The following LRRC37A variants were observed in gnomAD, a reference collection of about 807,000 sequenced individuals.
The protein encoded by LRRC37A is leucine rich repeat containing 37A, also known as leucine-rich repeat-containing protein 37A.
LRRC37A carries 3 observed loss-of-function variants against 35.4 expected under a neutral mutation model. The observed-to-expected ratio is 0.08, with a 90% CI of 0.04 to 0.22. LRRC37A has a LOEUF of 0.22. Ranked by LOEUF, LRRC37A falls within the 10% of genes least tolerant of loss-of-function variation. LRRC37A has a pLI of 1.00. For missense variants in LRRC37A, 67 were observed against 565.3 expected (o/e 0.12, Z 8.94); for synonymous variants, 23 against 215.0 (o/e 0.11, Z 7.81).
At chr17:46,275,241 G>C in the LRRC37A span, 1 of 406,360 alleles carries the variant, frequency 2.5e-6, no homozygotes, top group Non-Finnish European at 4.1e-6. Flanking sequence ...TAATATAATT[G>C]GACTGTTATG....
Position 46,323,374 on chromosome 17 carries a change from GT to G in LRRC37A, c.3053+350del, listed in dbSNP as rs1486914054. Among the ~76,000 whole-genome samples the G allele has an allele frequency of 2.1e-5, 2 of 96,464 alleles. 1 individual carries two copies. Among genetic ancestry groups the G allele is most frequent in the Non-Finnish European group, 4.8e-5 (2 of 41,574 alleles). 63.3% of individuals were successfully genotyped at this position (96,464 alleles called of 152,430 possible). On this transcript the variant is annotated intron_variant, in intron 7 of 13. Transcript: ENST00000320254. Reference sequence around the variant, plus strand: ...AATCATATAGCACATAGCCTCTTGTGTTTGGCTCCTTTCACAAAGCCTAATT... The same window carrying G: ...AATCATATAGCACATAGCCTCTTGTGTTGGCTCCTTTCACAAAGCCTAATT...
At chr17:46,272,195 T>C in the LRRC37A span, among the ~76,000 whole-genome samples, 1,034 of 152,356 alleles carry the variant, frequency 6.8e-3, 24 homozygotes, top group African/African-American at 0.024. Context: ...AAAATACTTT[T>C]AGCCAAGGAA....
the LRRC37A span, among the ~76,000 whole-genome samples, chr17:46,269,150 G>A: frequency 7.9e-5 from 12 of 152,252 alleles, no homozygotes; most frequent in South Asian, 1.9e-3. Context: ...ATAACAGTAA[G>A]CGCACTAGTC....
At chr17:46,259,614 G>A in the LRRC37A span, 1 of 1,611,266 alleles carries the variant, frequency 6.2e-7, no homozygotes, top group East Asian at 2.2e-5. Context: ...CAGACTCACT[G>A]AGTGCCTGCA....
the LRRC37A span, among the ~76,000 whole-genome samples, chr17:46,263,114 A>G: frequency 6.6e-6 from 1 of 151,914 alleles, no homozygotes; most frequent in Non-Finnish European, 1.5e-5. Context: ...TCTGGAGGCG[A>G]AGGAGGGAGG....
In LRRC37A at chr17:46,324,509, CTTT is replaced by C. The variant is rs990642430; in HGVS notation, c.3053+1486_3053+1488del. The stretch of plus-strand genomic sequence containing the variant: ...GAGTCAATTTGCATATGTGATGTAT[CTTT>C]TTTATTTTTTATTTTTTTGTAGAAA... On this transcript the variant is annotated intron_variant, in intron 7 of 13. Coordinates refer to ENST00000320254, the Ensembl canonical transcript of LRRC37A. 2.7e-5 allele frequency among the ~76,000 whole-genome samples: 2 copies of C among 75,208 alleles called. 1 individual carries two copies. The highest frequency in any genetic ancestry group is 7.9e-5 in the Non-Finnish European group (2 of 25,300). The allele number at this position is 75,208 out of a possible 152,430, so 49.3% of individuals were successfully genotyped here. A position where few individuals can be genotyped will look rare whatever the true frequency, so the allele number is the denominator to read the frequency against.
the LRRC37A span, among the ~76,000 whole-genome samples, chr17:46,281,445 G>A: frequency 0.066 from 8,834 of 134,428 alleles, no homozygotes; most frequent in Non-Finnish European, 0.11. Flanking sequence ...GCTGGAGAGC[G>A]GTGGTGTAAT....
the LRRC37A span, among the ~76,000 whole-genome samples, chr17:46,251,076 G>A: frequency 2.0e-5 from 3 of 152,132 alleles, no homozygotes; most frequent in African/African-American, 7.2e-5. Flanking sequence ...TCCTGCCTGG[G>A]TGACAGAGCA....
the LRRC37A span, among the ~76,000 whole-genome samples, chr17:46,280,569 CTTTTTTT>C: frequency 8.9e-6 from 1 of 112,012 alleles, no homozygotes; most frequent in Non-Finnish European, 1.7e-5. Context: ...TGATAGCACA[CTTTTTTT>C]TTTTTTTTTT....
At chr17:46,253,821 A>G in the LRRC37A span, among the ~76,000 whole-genome samples, 1 of 151,984 alleles carries the variant, frequency 6.6e-6, no homozygotes, top group African/African-American at 2.4e-5. Context: ...TTATAAACCC[A>G]ATTTCCTCTT....
chr17:46,251,193 C>A, the LRRC37A span, among the ~76,000 whole-genome samples: 1 of 152,094 alleles, frequency 6.6e-6, no homozygotes, highest in East Asian at 1.9e-4. Flanking sequence ...CTCAACTGGG[C>A]CAATTTTGCT....
At chr17:46,280,975 T>G in the LRRC37A span, among the ~76,000 whole-genome samples, 2 of 152,222 alleles carry the variant, frequency 1.3e-5, no homozygotes, top group Non-Finnish European at 2.9e-5. Context: ...ACTGTTTGGC[T>G]GCACATAGAC....
the LRRC37A span, among the ~76,000 whole-genome samples, chr17:46,250,558 C>T: frequency 2.6e-5 from 4 of 152,286 alleles, no homozygotes. Context: ...CCAACATCTT[C>T]CTCCCGTGCT....
the LRRC37A span, among the ~76,000 whole-genome samples, chr17:46,281,555 G>C: frequency 6.6e-6 from 1 of 152,130 alleles, no homozygotes; most frequent in African/African-American, 2.4e-5. Context: ...ATAGCCTCCT[G>C]AGTAGCTAGG....
chr17:46,278,266 C>A, the LRRC37A span, among the ~76,000 whole-genome samples: 1 of 152,152 alleles, frequency 6.6e-6, no homozygotes, highest in African/African-American at 2.4e-5. Context: ...TCTTATACTG[C>A]TCTTTCTTGT....
chr17:46,279,399 G>T, the LRRC37A span, among the ~76,000 whole-genome samples: 1 of 151,466 alleles, frequency 6.6e-6, no homozygotes, highest in Non-Finnish European at 1.5e-5. Flanking sequence ...GTCCAGGCTG[G>T]TCTTGAACTC....
intron 7 of LRRC37A, among the ~76,000 whole-genome samples, chr17:46,323,709 A>G (rs1184847225): frequency 9.6e-6 from 1 of 103,980 alleles, no homozygotes; most frequent in Non-Finnish European, 2.3e-5. Flanking sequence ...ACTCAGTAGA[A>G]TTTTTTTTGA....
chr17:46,290,869 G>A (rs2050048042), upstream of LRRC37A, among the ~76,000 whole-genome samples: 1 of 152,242 alleles, frequency 6.6e-6, no homozygotes, highest in Non-Finnish European at 1.5e-5. Flanking sequence ...TCAAGGATTT[G>A]CCTAAAGGTA....
chr17:46,269,532 CAA>C, the LRRC37A span, among the ~76,000 whole-genome samples: 72 of 152,298 alleles, frequency 4.7e-4, no homozygotes, highest in African/African-American at 1.6e-3. Context: ...CAAAAACAAA[CAA>C]AGTGTACAAA....
Sources: allele counts gnomAD v4.1 joint callset (sites outside exome capture counted in the v4.1 genomes callset), GRCh38; gene constraint gnomAD v4.1.1; transcripts MANE v1.5; gene names NCBI Gene and HGNC (gene_info 2026-07-23, HGNC 2026-07-21).